Variants in KIF2A observed in about 807,000 individuals in gnomAD.
The protein encoded by KIF2A is kinesin-like protein KIF2A.
KIF2A carries 22 observed loss-of-function variants against 100.2 expected under a neutral mutation model. The ratio of observed to expected loss-of-function variants is 0.22; its 90% CI spans 0.16 to 0.31. The LOEUF is 0.31. Ranked by LOEUF, KIF2A falls within the 10% of genes least tolerant of loss-of-function variation. The pLI is 1.00. For synonymous variants in KIF2A, 268 were observed against 285.9 expected, an observed-to-expected ratio of 0.94 and a Z score of 0.63; for missense variants, 495 against 898.7, an observed-to-expected ratio of 0.55 and a Z score of 5.74.
intron 9 of KIF2A, 31 bp from the exon 10 acceptor site, chr5:62,361,211 C>A: frequency 1.7e-6 from 2 of 1,194,836 alleles, no homozygotes; most frequent in Non-Finnish European, 2.4e-6. Flanking sequence ...ATATTGGTGA[C>A]ACATTCTGAC....
intron 15 of KIF2A, among the ~76,000 whole-genome samples, chr5:62,366,147 A>G (rs959771429): frequency 1.3e-5 from 2 of 151,686 alleles, no homozygotes; most frequent in East Asian, 1.9e-4. Context: ...AGTGGGGGTC[A>G]GTCAGTACTA....
Position 62,381,162 on chromosome 5 carries a change from G to T in KIF2A, c.2058G>T (p.Met686Ile). Residue 686 changes from methionine to isoleucine, a missense_variant, in exon 20 of 21, where the codon ATG (methionine) becomes ATT (isoleucine). Transcript: ENST00000407818. The stretch of plus-strand genomic sequence containing the variant: ...AAGATGAAAAGGCCCTCTTAGAGAT[G>T]ACTGAAGAAGTAGATTATGATGTCG... ...WLEDEKALLE[M>I]TEEVDYDVDS... 2 of 1,609,868 alleles carry T rather than the reference G, an allele frequency of 1.2e-6. No homozygotes were observed. The highest frequency in any genetic ancestry group is 1.1e-5 in the South Asian group (1 of 90,950).
rs975547064 is a variant in KIF2A at position 62,389,251 on chromosome 5, T to C, written c.*3682T>C. 2.0e-5 allele frequency among the ~76,000 whole-genome samples: 3 copies of C among 152,120 alleles called. No homozygotes were observed. ...CTGTAATCCCAGCACTTTGGGAGGC[T>C]GAGGCGGGTGGATTACCTGAGGTCA... On this transcript the variant is annotated 3_prime_UTR_variant, in exon 21 of 21. Transcript: ENST00000407818.
At chr5:62,370,678 T>G (rs1335725938) in intron 16 of KIF2A, among the ~76,000 whole-genome samples, 1 of 152,140 alleles carries the variant, frequency 6.6e-6, no homozygotes, top group East Asian at 1.9e-4. Context: ...AAAAAAAATT[T>G]ATAGGATATA....
At chr5:62,377,255 A>G (rs1174213790) in intron 18 of KIF2A, among the ~76,000 whole-genome samples, 2 of 152,366 alleles carry the variant, frequency 1.3e-5, no homozygotes, top group Non-Finnish European at 2.9e-5. Context: ...CTATCTTCAT[A>G]TCTTTTTTAA....
chr5:62,372,669 C>T, intron 17 of KIF2A, 118 bp downstream of exon 17: 1 of 601,148 alleles, frequency 1.7e-6, no homozygotes, highest in South Asian at 2.3e-5. Flanking sequence ...ATTGTCATTT[C>T]ATTTGGCAGG....
At chr5:62,372,080 T>C (rs1374727553) in intron 16 of KIF2A, among the ~76,000 whole-genome samples, 1 of 152,190 alleles carries the variant, frequency 6.6e-6, no homozygotes, top group Non-Finnish European at 1.5e-5. Context: ...TCATGAATGC[T>C]AATAAACAAA....
intron 1 of KIF2A, among the ~76,000 whole-genome samples, chr5:62,337,318 C>A (rs1236995294): frequency 6.6e-6 from 1 of 151,872 alleles, no homozygotes. Context: ...GTGGTGAAAC[C>A]CCCTCTCTAC....
rs1452219735 is a variant in KIF2A at position 62,372,514 on chromosome 5, T to C, written c.1723T>C (p.Ser575Pro). 6.2e-7 allele frequency: 1 copy of C among 1,611,974 alleles called. No individual in the cohort carries two copies. The highest frequency in any genetic ancestry group is 2.2e-5 in the East Asian group (1 of 44,836). Residue 575 changes from serine (S) to proline (P), a missense_variant, in exon 17 of 21, where the codon TCT (serine) becomes CCT (proline). Physicochemically the swap from Ser to Pro is moderately conservative, Grantham distance 74. Around this residue, in one of 10 missense-constraint regions of KIF2A, gnomAD observed 100 missense variants for 138.2 expected, o/e 0.72. Transcript: ENST00000407818. ...GSGSRPDLSP[S>P]YEYDDFSPSV... ...TGGCAGTCGCCCTGATCTCTCTCCT[T>C]CTTATGAATATGACGACTTTTCTCC...
chr5:62,372,582 T>C, intron 17 of KIF2A, 31 bp downstream of exon 17: 1 of 1,154,096 alleles, frequency 8.7e-7, no homozygotes, highest in South Asian at 1.3e-5. Context: ...AAGATGTTTA[T>C]TTGTATACTT....
chr5:62,380,607 C>T (rs969276082), intron 19 of KIF2A, among the ~76,000 whole-genome samples: 1 of 152,054 alleles, frequency 6.6e-6, no homozygotes, highest in Non-Finnish European at 1.5e-5. Flanking sequence ...TTACCAATAA[C>T]ATAAAAGTCT....
intron 1 of KIF2A, among the ~76,000 whole-genome samples, chr5:62,318,110 G>A (rs1476832517): frequency 1.3e-5 from 2 of 151,814 alleles, no homozygotes; most frequent in African/African-American, 4.8e-5. Context: ...TGGAGACAGA[G>A]TCTTGGTCTG....
At chr5:62,323,117 A>G (rs1175263717) in intron 1 of KIF2A, among the ~76,000 whole-genome samples, 1 of 151,646 alleles carries the variant, frequency 6.6e-6, no homozygotes, top group East Asian at 1.9e-4. Flanking sequence ...TTAGCCAGGC[A>G]TGGTGGCGCA....
intron 18 of KIF2A, among the ~76,000 whole-genome samples, chr5:62,375,380 T>A (rs1741494344): frequency 6.6e-6 from 1 of 152,246 alleles, no homozygotes; most frequent in African/African-American, 2.4e-5. Context: ...GCATTTTATT[T>A]ATTATCTGAT....
intron 20 of KIF2A, among the ~76,000 whole-genome samples, chr5:62,383,722 A>T (rs1741891822): frequency 6.6e-6 from 1 of 152,134 alleles, no homozygotes; most frequent in Admixed American, 6.5e-5. Context: ...TCATTTTTCT[A>T]ATCTGCAATA....
chr5:62,339,326 T>C (rs1295447678), intron 1 of KIF2A, among the ~76,000 whole-genome samples: 2 of 151,262 alleles, frequency 1.3e-5, no homozygotes, highest in Non-Finnish European at 2.9e-5. Flanking sequence ...TGCTAAACCA[T>C]TCATGAGAAA....
intron 1 of KIF2A, among the ~76,000 whole-genome samples, chr5:62,325,704 A>G (rs1176327810): frequency 6.6e-6 from 1 of 152,232 alleles, no homozygotes; most frequent in Non-Finnish European, 1.5e-5. Flanking sequence ...GGAAATGTAA[A>G]TTAGTTCAGC....
At chr5:62,371,204 T>A (rs943144382) in intron 16 of KIF2A, among the ~76,000 whole-genome samples, 1 of 152,080 alleles carries the variant, frequency 6.6e-6, no homozygotes, top group Non-Finnish European at 1.5e-5. Flanking sequence ...CAATGAGCCA[T>A]GACTGAGCCA....
intron 1 of KIF2A, among the ~76,000 whole-genome samples, chr5:62,334,112 G>A (rs976453028): frequency 5.3e-5 from 8 of 151,998 alleles, no homozygotes; most frequent in Non-Finnish European, 1.0e-4. Context: ...GACTGGATGT[G>A]GCAGGAGGTC....
Sources: gnomAD v4.1 joint callset for allele counts (sites outside exome capture counted in the v4.1 genomes callset) on GRCh38, gnomAD v4.1.1 for gene constraint, gnomAD v4.1.1 regional missense constraint, MANE v1.5 for transcripts, NCBI Gene and HGNC (gene_info 2026-07-23, HGNC 2026-07-21) for gene names.